MTSS1: variants seen among roughly 807,000 people sequenced by gnomAD.
The protein encoded by MTSS1 is protein MTSS 1.
Under a neutral mutation model 79.0 loss-of-function variants are expected in MTSS1, and 18 were observed. The observed-to-expected ratio is 0.23, with a 90% CI of 0.16 to 0.34. The LOEUF is 0.34. Among genes scored for constraint, MTSS1 ranks in the 10% least tolerant of loss-of-function variants. The pLI is 1.00. For missense variants in MTSS1, 815 were observed against 986.2 expected (o/e 0.83, Z 2.33); for synonymous variants, 341 against 368.6 (o/e 0.93, Z 0.86).
chr8:124,645,523 C>A (rs1206060636), intron 3 of MTSS1, among the ~76,000 whole-genome samples: 2 of 152,208 alleles, frequency 1.3e-5, no homozygotes, highest in Non-Finnish European at 2.9e-5. Context: ...ATTCTTCCCA[C>A]GAGAATCCAA....
At chr8:124,673,326 T>C (rs1211932413) in intron 3 of MTSS1, 1 of 149,598 alleles carries the variant, frequency 6.7e-6, no homozygotes, top group Non-Finnish European at 1.5e-5. Flanking sequence ...GAGGTTGCAG[T>C]GAGCCTAGAT....
intron 3 of MTSS1, among the ~76,000 whole-genome samples, chr8:124,634,132 G>C (rs1205797466): frequency 1.3e-5 from 2 of 149,196 alleles, no homozygotes; most frequent in African/African-American, 2.5e-5. Context: ...TTTTGAGACA[G>C]GGTCTCACTC....
chr8:124,558,815 G>T (rs979021964), intron 10 of MTSS1: 3 of 1,566,294 alleles, frequency 1.9e-6, no homozygotes, highest in Non-Finnish European at 2.6e-6. Context: ...CTTCGGAGGA[G>T]GCCGAGCTGG....
At chr8:124,565,641 G>C (rs779564019) in intron 9 of MTSS1, 21 bp downstream of exon 9, 1 of 1,600,886 alleles carries the variant, frequency 6.2e-7, no homozygotes, top group Non-Finnish European at 8.6e-7. Context: ...GAAAGCAAGA[G>C]TGGACCCCGG....
chr8:124,627,914 C>G (rs1310616510), intron 3 of MTSS1, among the ~76,000 whole-genome samples: 1 of 152,160 alleles, frequency 6.6e-6, no homozygotes. Context: ...CGCCTGTAAT[C>G]CCAACACTTT....
At chr8:124,595,198 T>C (rs1832548193) in intron 3 of MTSS1, among the ~76,000 whole-genome samples, 1 of 152,228 alleles carries the variant, frequency 6.6e-6, no homozygotes. Context: ...AGATGCTTAA[T>C]CTTAGCAAAG....
In MTSS1 at chr8:124,597,330, G is replaced by A. The variant is rs994136969; in HGVS notation, c.209-6095C>T. Among the ~76,000 whole-genome samples the A allele has an allele frequency of 3.3e-5, 5 of 152,148 alleles. No individual in the cohort carries two copies. Among genetic ancestry groups the A allele is most frequent in the African/African-American group, 1.2e-4 (5 of 41,418 alleles). ...AGCCAAAATCCAAGCCTGCTTCTAC[G>A]GATACCAAGGGCTCTCTCTCACTAC... On this transcript the variant is annotated intron_variant, in intron 3 of 13. Transcript: ENST00000518547. The surrounding 1 kb of genome is among the most constrained non-coding windows in gnomAD (Gnocchi z 4.6).
At chr8:124,634,711 A>C (rs1299082498) in intron 3 of MTSS1, among the ~76,000 whole-genome samples, 3 of 152,300 alleles carry the variant, frequency 2.0e-5, no homozygotes, top group South Asian at 4.1e-4. Context: ...CTTCAAAAAA[A>C]AAAAATGCTA....
intron 3 of MTSS1, among the ~76,000 whole-genome samples, chr8:124,610,677 C>G (rs1835639931): frequency 6.6e-6 from 1 of 152,144 alleles, no homozygotes; most frequent in Admixed American, 6.5e-5. Flanking sequence ...AGAACTTGCT[C>G]CCCTTCATGC....
chr8:124,632,058 C>T (rs1816060077), intron 3 of MTSS1, among the ~76,000 whole-genome samples: 1 of 152,152 alleles, frequency 6.6e-6, no homozygotes, highest in African/African-American at 2.4e-5. Context: ...AGGAGAATCG[C>T]TTGAGCCCAG....
intron 3 of MTSS1, among the ~76,000 whole-genome samples, chr8:124,672,395 G>A (rs1341454214): frequency 6.6e-6 from 1 of 152,032 alleles, no homozygotes; most frequent in Non-Finnish European, 1.5e-5. Context: ...TTGGGAGGCT[G>A]AAGCAGGAGA....
At chr8:124,574,739 T>C (rs910654495) in intron 6 of MTSS1, among the ~76,000 whole-genome samples, 1 of 152,150 alleles carries the variant, frequency 6.6e-6, no homozygotes, top group African/African-American at 2.4e-5. Context: ...CCAGAATACA[T>C]TGGGCCAAGA....
At chr8:124,675,783 A>G (rs1438258357) in intron 3 of MTSS1, among the ~76,000 whole-genome samples, 5 of 152,230 alleles carry the variant, frequency 3.3e-5, no homozygotes, top group Admixed American at 6.5e-5. Context: ...ACTTTCACTA[A>G]CACGTTTGAG....
intron 3 of MTSS1, among the ~76,000 whole-genome samples, chr8:124,675,232 T>C (rs1213525282): frequency 6.6e-6 from 1 of 152,176 alleles, no homozygotes; most frequent in Non-Finnish European, 1.5e-5. Flanking sequence ...GCAAACACCA[T>C]GTAGAAATAA....
chr8:124,589,882 G>A (rs4871508), intron 4 of MTSS1, among the ~76,000 whole-genome samples, 171 bp from the exon 5 acceptor site: 55,771 of 151,978 alleles, frequency 0.37, 10,592 homozygotes, highest in East Asian at 0.55. Flanking sequence ...TTTTAAGACA[G>A]AGTCTCGCTC....
At chr8:124,698,665 C>A (rs1829254019) in intron 3 of MTSS1, among the ~76,000 whole-genome samples, 1 of 152,008 alleles carries the variant, frequency 6.6e-6, no homozygotes, top group African/African-American at 2.4e-5. Flanking sequence ...GCACGTGCCA[C>A]CACGCCTGGC....
chr8:124,600,012 G>A (rs62530665), intron 3 of MTSS1, among the ~76,000 whole-genome samples: 19,176 of 150,162 alleles, frequency 0.13, 1,282 homozygotes, highest in Non-Finnish European at 0.13. Context: ...TCTGCCTGGC[G>A]TAGGCTCAAA....
intron 6 of MTSS1, chr8:124,580,624 A>G: frequency 6.6e-7 from 1 of 1,522,870 alleles, no homozygotes; most frequent in Non-Finnish European, 8.8e-7. Flanking sequence ...AAGGAAAATA[A>G]TAAAGTCAAA....
At chr8:124,635,418 T>G (rs956519692) in intron 3 of MTSS1, among the ~76,000 whole-genome samples, 14 of 152,240 alleles carry the variant, frequency 9.2e-5, no homozygotes, top group African/African-American at 3.1e-4. Context: ...GTTATCTAAT[T>G]CTGAGAAGAC....
Sources: allele counts gnomAD v4.1 joint callset (sites outside exome capture counted in the v4.1 genomes callset), GRCh38; gene constraint gnomAD v4.1.1; non-coding constraint Gnocchi (gnomAD v3.1); transcripts MANE v1.5; gene names NCBI Gene and HGNC (gene_info 2026-07-23, HGNC 2026-07-21).